DIAPH3: variants seen among roughly 807,000 people sequenced by gnomAD.
The protein encoded by DIAPH3 is diaphanous related formin 3, also known as protein diaphanous homolog 3.
A neutral mutation model predicts 144.3 loss-of-function variants in DIAPH3; 117 were observed. The ratio of observed to expected loss-of-function variants is 0.81; its 90% confidence interval spans 0.70 to 0.95. The LOEUF (loss-of-function observed/expected upper bound fraction) is 0.95. DIAPH3 is among the 40% of genes least tolerant of loss of function. DIAPH3 has a pLI of 0.00. For missense variants in DIAPH3, 1,421 were observed against 1,412.7 expected (o/e 1.01, Z -0.09); for synonymous variants, 519 against 488.9 (o/e 1.06, Z -0.81).
intron 27 of DIAPH3, among the ~76,000 whole-genome samples, chr13:59,747,199 G>GA (rs1427770305): frequency 1.3e-5 from 2 of 151,396 alleles, no homozygotes; most frequent in African/African-American, 2.4e-5. Context: ...GTACCAATAT[G>GA]AAAAAAAAAT....
chr13:60,003,629 A>G (rs962899148), intron 9 of DIAPH3, among the ~76,000 whole-genome samples: 11 of 151,792 alleles, frequency 7.2e-5, no homozygotes, highest in African/African-American at 2.7e-4. Context: ...GCTGGAGTGC[A>G]GTGGCGCGAT....
intron 14 of DIAPH3, among the ~76,000 whole-genome samples, chr13:59,980,171 TG>T (rs1210977668): frequency 6.6e-6 from 1 of 151,608 alleles, no homozygotes; most frequent in Non-Finnish European, 1.5e-5. Flanking sequence ...ACTACTGAGT[TG>T]AAACAAAACT....
intron 4 of DIAPH3, among the ~76,000 whole-genome samples, chr13:60,049,837 T>C (rs917327718): frequency 6.6e-6 from 1 of 152,130 alleles, no homozygotes; most frequent in African/African-American, 2.4e-5. Flanking sequence ...GAGTGAGTGA[T>C]AGGGGAAATA....
At chr13:59,871,566 TTGA>T (rs2044281814) in intron 21 of DIAPH3, among the ~76,000 whole-genome samples, 1 of 152,216 alleles carries the variant, frequency 6.6e-6, no homozygotes, top group South Asian at 2.1e-4. Flanking sequence ...CTTTAGCTCA[TTGA>T]TGATGATAGA....
intron 27 of DIAPH3, among the ~76,000 whole-genome samples, chr13:59,773,566 A>C (rs761565073): frequency 3.3e-5 from 5 of 152,232 alleles, no homozygotes; most frequent in Admixed American, 6.6e-5. Flanking sequence ...AAAAGCAAAT[A>C]AAAGCCAATC....
At chr13:59,982,382 AG>A (rs1381074985) in intron 13 of DIAPH3, among the ~76,000 whole-genome samples, 4 of 151,334 alleles carry the variant, frequency 2.6e-5, no homozygotes, top group Admixed American at 6.6e-5. Flanking sequence ...GCATATTTAC[AG>A]CACCATTTTC....
chr13:60,126,091 T>C (rs2058982857), intron 2 of DIAPH3, among the ~76,000 whole-genome samples: 1 of 152,134 alleles, frequency 6.6e-6, no homozygotes, highest in African/African-American at 2.4e-5. Context: ...AACAGAGATA[T>C]ACATGGTTAG....
chr13:59,889,872 A>G (rs938014406), intron 20 of DIAPH3, among the ~76,000 whole-genome samples: 2 of 152,092 alleles, frequency 1.3e-5, no homozygotes, highest in African/African-American at 2.4e-5. Context: ...GTGAAACTCA[A>G]TCTCCAACCT....
At position 59,666,802 on chromosome 13, in the gene DIAPH3, T is replaced by G; in HGVS notation, c.3364A>C (p.Asn1122His). 1 of 1,614,176 alleles carries G rather than the reference T, an allele frequency of 6.2e-7. No homozygotes were observed. Among genetic ancestry groups the G allele is most frequent in the Non-Finnish European group, 8.5e-7 (1 of 1,180,000 alleles). The change falls in exon 28 of 28, where the codon AAT (asparagine) becomes CAT (histidine). Residue 1122 changes from asparagine (N) to histidine (H), a missense_variant. Transcript: ENST00000400324. Reference sequence around the variant, plus strand: ...GTCCTTGTTGAGTTGCAATTGATATTGTAGTGTGAACGTGACCCTTCTGTC... The same window carrying G: ...GTCCTTGTTGAGTTGCAATTGATATGGTAGTGTGAACGTGACCCTTCTGTC... ...QLTEGSRSHY[N>H]INCNSTRTPV...
chr13:59,944,497 C>T (rs2048702632), intron 17 of DIAPH3, among the ~76,000 whole-genome samples: 1 of 152,026 alleles, frequency 6.6e-6, no homozygotes. Flanking sequence ...TAGATGAATC[C>T]AAAAGCTTTA....
chr13:59,901,941 T>G (rs893491513), intron 20 of DIAPH3, among the ~76,000 whole-genome samples: 1 of 152,178 alleles, frequency 6.6e-6, no homozygotes, highest in African/African-American at 2.4e-5. Context: ...GCGATTCTCA[T>G]GCCTCAGCCA....
At chr13:60,107,174 G>A (rs2058443538) in intron 3 of DIAPH3, among the ~76,000 whole-genome samples, 1 of 151,988 alleles carries the variant, frequency 6.6e-6, no homozygotes, top group South Asian at 2.1e-4. Flanking sequence ...AAGTATTACA[G>A]GATTATGGGG....
intron 3 of DIAPH3, among the ~76,000 whole-genome samples, chr13:60,103,902 A>G (rs1203146571): frequency 1.3e-5 from 2 of 152,162 alleles, no homozygotes; most frequent in African/African-American, 4.8e-5. Context: ...ACATCACACA[A>G]TATCAAACGG....
At chr13:59,925,440 A>G (rs2047708346) in intron 17 of DIAPH3, among the ~76,000 whole-genome samples, 1 of 152,116 alleles carries the variant, frequency 6.6e-6, no homozygotes, top group African/African-American at 2.4e-5. Flanking sequence ...GTGATGTACT[A>G]TTGGATTTGT....
intron 20 of DIAPH3, among the ~76,000 whole-genome samples, chr13:59,886,645 C>T (rs1368391327): frequency 9.9e-5 from 15 of 152,062 alleles, no homozygotes; most frequent in African/African-American, 3.4e-4. Flanking sequence ...TCAGCAATAT[C>T]TTACAGTTTT....
chr13:59,935,225 AG>A (rs2048207876), intron 17 of DIAPH3, among the ~76,000 whole-genome samples: 1 of 152,148 alleles, frequency 6.6e-6, no homozygotes, highest in African/African-American at 2.4e-5. Flanking sequence ...TTAGGACTTG[AG>A]TATGTGTGGA....
At chr13:59,894,781 T>A (rs963376568) in intron 20 of DIAPH3, among the ~76,000 whole-genome samples, 16 of 152,046 alleles carry the variant, frequency 1.1e-4, no homozygotes, top group African/African-American at 3.6e-4. Flanking sequence ...TGCTGGAACC[T>A]TAAATCTTTT....
At chr13:59,861,744 G>A (rs561015894) in intron 21 of DIAPH3, among the ~76,000 whole-genome samples, 2 of 152,234 alleles carry the variant, frequency 1.3e-5, no homozygotes, top group Non-Finnish European at 2.9e-5. Flanking sequence ...CGCAAAAAAG[G>A]AATAAGTTTA....
chr13:59,892,202 C>A (rs2045846103), intron 20 of DIAPH3, among the ~76,000 whole-genome samples: 2 of 151,736 alleles, frequency 1.3e-5, no homozygotes. Flanking sequence ...TGATGGGGGG[C>A]AGCATCATTA....
Sources: allele counts gnomAD v4.1 joint callset (sites outside exome capture counted in the v4.1 genomes callset), GRCh38; gene constraint gnomAD v4.1.1; transcripts MANE v1.5; gene names NCBI Gene and HGNC (gene_info 2026-07-23, HGNC 2026-07-21).